Variants in ARHGAP15 observed in about 807,000 individuals in gnomAD.
The protein encoded by ARHGAP15 is Rho GTPase activating protein 15, also known as rho GTPase-activating protein 15.
In ARHGAP15, 51 loss-of-function variants were observed where a neutral mutation model predicts 63.7. The ratio of observed to expected loss-of-function variants is 0.80; its 90% CI spans 0.64 to 1.01. The LOEUF (loss-of-function observed/expected upper bound fraction) is 1.01. Among genes scored for constraint, ARHGAP15 ranks in the 50% least tolerant of loss-of-function variants. ARHGAP15 has a pLI of 0.00. For missense variants in ARHGAP15, 560 were observed against 564.6 expected, an observed-to-expected ratio of 0.99 and a Z score of 0.08; for synonymous variants, 191 against 193.8, an observed-to-expected ratio of 0.99 and a Z score of 0.12.
At chr2:143,174,408 A>G (rs773358399) in intron 2 of ARHGAP15, among the ~76,000 whole-genome samples, 21 of 152,208 alleles carry the variant, frequency 1.4e-4, no homozygotes, top group Middle Eastern at 3.4e-3. Flanking sequence ...CCCATCCATA[A>G]TTGGCAAACA....
At chr2:143,626,210 A>G (rs1489692682) in intron 12 of ARHGAP15, among the ~76,000 whole-genome samples, 1 of 152,230 alleles carries the variant, frequency 6.6e-6, no homozygotes, top group Non-Finnish European at 1.5e-5. Flanking sequence ...GCGAGAATGA[A>G]TAAGAAAGTG....
rs148705318 is a variant in ARHGAP15 at position 143,750,945 on chromosome 2, G to A, written c.1245-17044G>A. 3.1e-3 allele frequency among the ~76,000 whole-genome samples: 479 copies of A among 152,280 alleles called. 6 individuals are homozygous for A. Among genetic ancestry groups the A allele is most frequent in the Middle Eastern group, 0.017 (5 of 294 alleles). On this transcript the variant is annotated intron_variant, in intron 13 of 13. Transcript: ENST00000295095. ...ATTCAAAGGGGGAGGGAAATGATGC[G>A]TGAACACAAGGCTGTTCAGATCTAG... is the stretch of plus-strand genomic sequence containing the variant.
chr2:143,377,285 G>T (rs1377268635), intron 6 of ARHGAP15, among the ~76,000 whole-genome samples: 6 of 151,856 alleles, frequency 4.0e-5, no homozygotes, highest in Non-Finnish European at 7.4e-5. Context: ...CTAGTTTCTT[G>T]TTCTAATTAA....
intron 11 of ARHGAP15, among the ~76,000 whole-genome samples, chr2:143,609,994 G>A (rs138964864): frequency 6.6e-6 from 1 of 152,240 alleles, no homozygotes; most frequent in Non-Finnish European, 1.5e-5. Flanking sequence ...TTGGGCCATA[G>A]GAGGTGGGTG....
chr2:143,219,795 A>G (rs1254996331), intron 4 of ARHGAP15, among the ~76,000 whole-genome samples: 1 of 152,230 alleles, frequency 6.6e-6, no homozygotes, highest in Non-Finnish European at 1.5e-5. Flanking sequence ...TGTTTCACTG[A>G]TAAGTATTGA....
At chr2:143,592,770 T>A (rs1404769156) in intron 11 of ARHGAP15, among the ~76,000 whole-genome samples, 2 of 152,160 alleles carry the variant, frequency 1.3e-5, no homozygotes, top group Non-Finnish European at 2.9e-5. Context: ...GAAATGTGAG[T>A]GTCATTTGTA....
chr2:143,144,441 T>TA (rs1350104549), intron 1 of ARHGAP15, among the ~76,000 whole-genome samples: 2 of 152,054 alleles, frequency 1.3e-5, no homozygotes, highest in South Asian at 2.1e-4. Context: ...TACTCACACT[T>TA]ACCAAGTTCA....
intron 6 of ARHGAP15, among the ~76,000 whole-genome samples, chr2:143,274,839 G>C (rs908908774): frequency 2.0e-5 from 3 of 152,090 alleles, no homozygotes; most frequent in African/African-American, 7.2e-5. Context: ...CAATGAAGCA[G>C]GCCACCACTC....
At chr2:143,750,885 G>A (rs947300285) in intron 13 of ARHGAP15, among the ~76,000 whole-genome samples, 1 of 152,196 alleles carries the variant, frequency 6.6e-6, no homozygotes, top group Non-Finnish European at 1.5e-5. Flanking sequence ...ATAGCGTGAT[G>A]ATTTTATCTC....
chr2:143,462,656 C>T (rs1691000942), intron 8 of ARHGAP15, among the ~76,000 whole-genome samples: 1 of 152,114 alleles, frequency 6.6e-6, no homozygotes. Context: ...TGAAAGGTAA[C>T]CAAGACTATA....
Position 143,470,771 on chromosome 2 carries a change from C to T in ARHGAP15, c.704-16602C>T, listed in dbSNP as rs184124244. 1.6e-4 allele frequency among the ~76,000 whole-genome samples: 24 copies of T among 149,918 alleles called. No homozygotes were observed. The East Asian group carries it at 4.2e-3, about 26-fold the overall frequency. ...GTGATTGGTTACACTTCTTGTCAGT[C>T]ATTCATCCTACTCCAAACAGGTTGG... On this transcript the variant is annotated intron_variant, in intron 8 of 13. Transcript: ENST00000295095.
At chr2:143,180,442 C>A (rs1193232879) in intron 2 of ARHGAP15, among the ~76,000 whole-genome samples, 1 of 152,182 alleles carries the variant, frequency 6.6e-6, no homozygotes, top group Admixed American at 6.5e-5. Flanking sequence ...TCTACAGTTA[C>A]ATTCTGCATT....
chr2:143,494,760 T>G (rs1439189052), intron 9 of ARHGAP15, among the ~76,000 whole-genome samples: 1 of 152,212 alleles, frequency 6.6e-6, no homozygotes, highest in African/African-American at 2.4e-5. Flanking sequence ...ACCTGGCCAA[T>G]GATATGGTTT....
chr2:143,149,026 A>G lies in ARHGAP15; in HGVS notation c.-14-6451A>G, dbSNP rs1359118891. 2.6e-5 allele frequency among the ~76,000 whole-genome samples: 4 copies of G among 152,074 alleles called. No individual in the cohort carries two copies. In the East Asian group the frequency reaches 5.8e-4, roughly 22 times the overall value. ...ACATTACTGGAGCTACCAGGACCACAACTCATTTCCACAGGGGAACAGACT... is the reference window on the plus strand; with the variant it reads ...ACATTACTGGAGCTACCAGGACCACGACTCATTTCCACAGGGGAACAGACT... On this transcript the variant is annotated intron_variant, in intron 1 of 13. Coordinates refer to ENST00000295095, the MANE Select transcript of ARHGAP15 (RefSeq NM_018460.4).
chr2:143,421,710 C>T (rs911970235), intron 6 of ARHGAP15, among the ~76,000 whole-genome samples: 6 of 150,568 alleles, frequency 4.0e-5, no homozygotes, highest in African/African-American at 1.5e-4. Context: ...TTAAATAAAA[C>T]TTTTGTTTCA....
chr2:143,182,373 C>G (rs950223326), intron 2 of ARHGAP15, among the ~76,000 whole-genome samples: 1 of 151,952 alleles, frequency 6.6e-6, no homozygotes, highest in Non-Finnish European at 1.5e-5. Context: ...AGGGGAACTG[C>G]CAGTTGGTGG....
intron 12 of ARHGAP15, among the ~76,000 whole-genome samples, chr2:143,675,345 C>T (rs1682772206): frequency 6.6e-6 from 1 of 152,170 alleles, no homozygotes; most frequent in African/African-American, 2.4e-5. Flanking sequence ...CTTCCAAGCT[C>T]CTGTTAATGT....
chr2:143,590,137 T>C (rs1249774133), intron 11 of ARHGAP15, among the ~76,000 whole-genome samples: 2 of 152,222 alleles, frequency 1.3e-5, no homozygotes, highest in African/African-American at 4.8e-5. Flanking sequence ...CTCATTTCCA[T>C]GTGCATGCCC....
chr2:143,662,891 G>T, intron 12 of ARHGAP15, among the ~76,000 whole-genome samples: 1 of 143,696 alleles, frequency 7.0e-6, no homozygotes, highest in Middle Eastern at 3.5e-3. Context: ...AATGAGCAAA[G>T]CCTCCAAGAA....
Sources: allele counts gnomAD v4.1 joint callset (sites outside exome capture counted in the v4.1 genomes callset), GRCh38; gene constraint gnomAD v4.1.1; transcripts MANE v1.5; gene names NCBI Gene and HGNC (gene_info 2026-07-23, HGNC 2026-07-21).